Variants in VTA1 observed in about 807,000 individuals in gnomAD.
VTA1 encodes the protein vesicle trafficking 1.
A neutral mutation model predicts 36.9 loss-of-function variants in VTA1; 24 were observed. The ratio of observed to expected loss-of-function variants is 0.65; its 90% CI spans 0.47 to 0.91. The LOEUF is 0.91. Among genes scored for constraint, VTA1 ranks in the 40% least tolerant of loss-of-function variants. The pLI, the probability that VTA1 is intolerant of heterozygous loss-of-function variation, is 0.00. For synonymous variants in VTA1, 142 were observed against 130.2 expected, an observed-to-expected ratio of 1.09 and a Z score of -0.62; for missense variants, 393 against 377.2, an observed-to-expected ratio of 1.04 and a Z score of -0.35.
chr6:142,161,372 C>T (rs528750006), intron 1 of VTA1, among the ~76,000 whole-genome samples: 3 of 151,960 alleles, frequency 2.0e-5, no homozygotes, highest in South Asian at 2.1e-4. Flanking sequence ...TATCTTTTTG[C>T]GTGTGTTTTT....
At chr6:142,156,690 CAA>C (rs1274173962) in intron 1 of VTA1, among the ~76,000 whole-genome samples, 1 of 152,116 alleles carries the variant, frequency 6.6e-6, no homozygotes, top group Non-Finnish European at 1.5e-5. Flanking sequence ...CACACAGTCT[CAA>C]GAGTCTTCAT....
intron 6 of VTA1, among the ~76,000 whole-genome samples, chr6:142,201,522 T>G (rs952869480): frequency 1.2e-4 from 19 of 152,108 alleles, no homozygotes; most frequent in African/African-American, 4.6e-4. Flanking sequence ...TGATACAGTG[T>G]GTTTTTTTCT....
chr6:142,149,672 A>G (rs1562252714), intron 1 of VTA1, among the ~76,000 whole-genome samples: 1 of 152,154 alleles, frequency 6.6e-6, no homozygotes, highest in Non-Finnish European at 1.5e-5. Context: ...CACTCTGAAG[A>G]CCTTTGATGT....
At chr6:142,155,541 T>C (rs1481847424) in intron 1 of VTA1, among the ~76,000 whole-genome samples, 8 of 152,202 alleles carry the variant, frequency 5.3e-5, no homozygotes, top group Non-Finnish European at 1.2e-4. Flanking sequence ...GAATACGGAA[T>C]TATTATACAT....
rs1347031238 is a variant in VTA1 at position 142,198,488 on chromosome 6, A to G, written c.570A>G (p.Pro190=). The G allele has an allele frequency of 6.2e-7, 1 of 1,613,970 alleles. No individual in the cohort carries two copies. Among genetic ancestry groups the G allele is most frequent in the Non-Finnish European group, 8.5e-7 (1 of 1,179,988 alleles). ...DAGAASLPTQ[P]TQPSSSSTYD... ...GAGCAGCCTCTCTGCCCACTCAGCC[A>G]ACTCAGCCATCATCATCTTCAACTT... is the stretch of plus-strand genomic sequence containing the variant. The change falls in exon 6 of 8, where the codon CCA becomes CCG. Residue 190 remains proline (P), a synonymous_variant. Transcript: ENST00000367630.
At chr6:142,178,336 A>T (rs185368138) in intron 4 of VTA1, among the ~76,000 whole-genome samples, 1 of 152,158 alleles carries the variant, frequency 6.6e-6, no homozygotes, top group Non-Finnish European at 1.5e-5. Flanking sequence ...AACCCTGTCA[A>T]CTCAGAATTC....
rs953745729 is a variant in VTA1, at chr6:142,222,741, A to C, written c.*4098A>C. ...GAATTCTAAGACTGCAGGCTTGTTC[A>C]TTGGAGTACACTTAAGTAGGACAAA... On this transcript the variant is annotated 3_prime_UTR_variant, in exon 8 of 8. Coordinates refer to ENST00000367630, the MANE Select transcript of VTA1 (RefSeq NM_016485.5). The C allele has an allele frequency of 6.6e-6, 1 of 151,678 alleles. No individual in the cohort carries two copies. Among genetic ancestry groups the C allele is most frequent in the Non-Finnish European group, 1.5e-5 (1 of 67,988 alleles). 9.4% of individuals were successfully genotyped at this position (151,678 alleles called of 1,614,324 possible).
At chr6:142,164,924 A>G (rs1161327406) in intron 1 of VTA1, among the ~76,000 whole-genome samples, 11 of 152,208 alleles carry the variant, frequency 7.2e-5, no homozygotes, top group African/African-American at 1.9e-4. Flanking sequence ...CCCTGTCATC[A>G]TGGAGTGTAA....
intron 5 of VTA1, among the ~76,000 whole-genome samples, chr6:142,192,451 G>T (rs1037655807): frequency 2.0e-5 from 3 of 151,912 alleles, no homozygotes; most frequent in Non-Finnish European, 4.4e-5. Context: ...TAGAATTAAT[G>T]ATATAAAAAA....
intron 1 of VTA1, among the ~76,000 whole-genome samples, chr6:142,164,672 G>A (rs1386376092): frequency 6.6e-6 from 1 of 152,120 alleles, no homozygotes; most frequent in Non-Finnish European, 1.5e-5. Flanking sequence ...TAAAGCTCTA[G>A]TAAATTAAAC....
intron 5 of VTA1, among the ~76,000 whole-genome samples, chr6:142,198,126 T>A: frequency 1.6e-5 from 1 of 62,704 alleles, no homozygotes; most frequent in Non-Finnish European, 4.4e-5. Flanking sequence ...TATATGTGTG[T>A]GTGTGTGTGT....
At chr6:142,211,083 G>GT (rs1775893922) in intron 7 of VTA1, among the ~76,000 whole-genome samples, 1 of 152,014 alleles carries the variant, frequency 6.6e-6, no homozygotes, top group South Asian at 2.1e-4. Flanking sequence ...GACACATATC[G>GT]TATGTTCTCA....
intron 3 of VTA1, among the ~76,000 whole-genome samples, chr6:142,169,956 C>T (rs1463204014): frequency 6.6e-6 from 1 of 151,938 alleles, no homozygotes; most frequent in Non-Finnish European, 1.5e-5. Flanking sequence ...TTGATTTTAG[C>T]CAAAATCACA....
chr6:142,160,445 C>G (rs1025859163), intron 1 of VTA1, among the ~76,000 whole-genome samples: 1 of 152,156 alleles, frequency 6.6e-6, no homozygotes, highest in Admixed American at 6.5e-5. Context: ...CTCCAGGTTA[C>G]CCTTCTTCAG....
At chr6:142,162,350 G>A (rs1194967002) in intron 1 of VTA1, among the ~76,000 whole-genome samples, 1 of 152,182 alleles carries the variant, frequency 6.6e-6, no homozygotes, top group Non-Finnish European at 1.5e-5. Context: ...TCTGCTCCAT[G>A]AATGGTAGGC....
intron 7 of VTA1, among the ~76,000 whole-genome samples, chr6:142,207,096 C>G (rs1370381548): frequency 6.6e-6 from 1 of 152,068 alleles, no homozygotes; most frequent in Non-Finnish European, 1.5e-5. Flanking sequence ...CAACCCAGAG[C>G]CCAAGTATGA....
At position 142,223,398 on chromosome 6, in the gene VTA1, T is replaced by C. The variant is rs1365813499; in HGVS notation, c.*4755T>C. ...CCTGTTTTATCCTTTTTATTTTAAA[T>C]AACATCACTGTCTTTCCTAACTAAA... On this transcript the variant is annotated 3_prime_UTR_variant, in exon 8 of 8. Coordinates refer to ENST00000367630, the MANE Select transcript of VTA1 (RefSeq NM_016485.5). 6.6e-6 allele frequency: 1 copy of C among 152,214 alleles called. No homozygotes were observed. The highest frequency in any genetic ancestry group is 1.5e-5 in the Non-Finnish European group (1 of 68,034). 9.4% of individuals were successfully genotyped at this position (152,214 alleles called of 1,614,324 possible). A position where few individuals can be genotyped will look rare whatever the true frequency, so the allele number is the denominator to read the frequency against.
intron 7 of VTA1, among the ~76,000 whole-genome samples, chr6:142,204,285 T>A (rs1775744266): frequency 6.6e-6 from 1 of 152,308 alleles, no homozygotes; most frequent in Middle Eastern, 3.4e-3. Context: ...GCTGTCCCCT[T>A]TTGTTACAGT....
chr6:142,166,167 C>A, intron 1 of VTA1, 61 bp from the exon 2 acceptor site: 1 of 1,049,762 alleles, frequency 9.5e-7, no homozygotes, highest in South Asian at 1.9e-5. Flanking sequence ...ATATTTTAAA[C>A]ACTCATAAAC....
Sources: allele counts gnomAD v4.1 joint callset (sites outside exome capture counted in the v4.1 genomes callset), GRCh38; gene constraint gnomAD v4.1.1; transcripts MANE v1.5; gene names NCBI Gene and HGNC (gene_info 2026-07-23, HGNC 2026-07-21).